The following ITGAV variants were observed in gnomAD, a reference collection of about 807,000 sequenced individuals.
The protein encoded by ITGAV is integrin subunit alpha V.
ITGAV carries 76 observed loss-of-function variants against 143.8 expected under a neutral mutation model. That is an observed-to-expected ratio of 0.53 (90% CI 0.44 to 0.64). The LOEUF is 0.64. Among genes scored for constraint, ITGAV ranks in the 30% least tolerant of loss-of-function variants. The pLI, the probability that ITGAV is intolerant of heterozygous loss-of-function variation, is 0.00. For synonymous variants in ITGAV, 453 were observed against 446.7 expected (o/e 1.01, Z -0.18); for missense variants, 1,193 against 1,274.7 (o/e 0.94, Z 0.98).
At chr2:186,651,539 G>T (rs1480113269) in intron 14 of ITGAV, among the ~76,000 whole-genome samples, 1 of 151,928 alleles carries the variant, frequency 6.6e-6, no homozygotes, top group Non-Finnish European at 1.5e-5. Flanking sequence ...TATTATGTAT[G>T]TATGTATGTA....
chr2:186,676,767 A>C (rs1315255730), intron 28 of ITGAV, 46 bp from the exon 29 acceptor site: 1 of 1,573,154 alleles, frequency 6.4e-7, no homozygotes, highest in African/African-American at 1.4e-5. Context: ...TTTGTTGATT[A>C]AGTCAATGGA....
intron 2 of ITGAV, among the ~76,000 whole-genome samples, chr2:186,606,647 C>T (rs1488544953): frequency 6.6e-6 from 1 of 152,116 alleles, no homozygotes; most frequent in East Asian, 1.9e-4. Flanking sequence ...AGTTTTTTCC[C>T]TGAAAAACTA....
At chr2:186,668,543 T>G in intron 24 of ITGAV, 1 of 438,690 alleles carries the variant, frequency 2.3e-6, no homozygotes, top group Non-Finnish European at 4.1e-6. Flanking sequence ...CCAACCTTGT[T>G]TATATTTTTA....
At chr2:186,668,986 AAG>A in intron 25 of ITGAV, 66 bp downstream of exon 25, 1 of 1,367,522 alleles carries the variant, frequency 7.3e-7, no homozygotes, top group African/African-American at 1.5e-5. Context: ...AAACCTGTAA[AAG>A]AAATTCATAA....
At chr2:186,610,351 T>C (rs1394194851) in intron 2 of ITGAV, among the ~76,000 whole-genome samples, 1 of 152,150 alleles carries the variant, frequency 6.6e-6, no homozygotes, top group Non-Finnish European at 1.5e-5. Context: ...GCAAAAGTTA[T>C]CTCCAAAATG....
At chr2:186,629,494 GC>G (rs1221819433) in intron 4 of ITGAV, among the ~76,000 whole-genome samples, 1 of 151,588 alleles carries the variant, frequency 6.6e-6, no homozygotes, top group Non-Finnish European at 1.5e-5. Context: ...GGAAACCCCT[GC>G]CCCACATTTT....
chr2:186,663,791 T>G lies in ITGAV; in HGVS notation c.1881T>G (p.Gly627=). 7 of 1,613,020 alleles carry G rather than the reference T, an allele frequency of 4.3e-6. No individual in the cohort carries two copies. Among genetic ancestry groups the G allele is most frequent in the Non-Finnish European group, 5.9e-6 (7 of 1,179,230 alleles). ...AGGCTCACATTCTACTTGACTGTGG[T>G]GAAGACAATGTCTGTAAACCCAAGC... The part of the protein sequence containing the change: ...SRQAHILLDC[G]EDNVCKPKLE... Residue 627 remains glycine (G), a synonymous_variant, in exon 19 of 30, where the codon GGT becomes GGG. Transcript: ENST00000261023.
In ITGAV at chr2:186,590,354, C is replaced by G. The variant is rs559772110; in HGVS notation, c.16C>G (p.Arg6Gly). 1.5e-5 allele frequency: 23 copies of G among 1,583,472 alleles called. No homozygotes were observed. In the African/African-American group the frequency reaches 2.8e-4, roughly 19 times the overall value. Residue 6 changes from arginine to glycine, a missense_variant, in exon 1 of 30, where the codon CGG becomes GGG. Transcript: ENST00000261023. MAFPP[R>G]RRLRLGPRGL... is the part of the protein sequence containing the mutation. ...CACTTCGGCGATGGCTTTTCCGCCG[C>G]GGCGACGGCTGCGCCTCGGTCCCCG...
intron 25 of ITGAV, among the ~76,000 whole-genome samples, chr2:186,669,257 C>T (rs1688996890): frequency 6.6e-6 from 1 of 152,118 alleles, no homozygotes; most frequent in Non-Finnish European, 1.5e-5. Flanking sequence ...AAAATTTCTA[C>T]CTTTGGGATA....
chr2:186,654,204 A>G (rs1458816729), intron 15 of ITGAV, among the ~76,000 whole-genome samples: 3 of 151,950 alleles, frequency 2.0e-5, no homozygotes, highest in South Asian at 2.1e-4. Flanking sequence ...GTGGTGGTGC[A>G]TGCCTGTAAT....
Position 186,675,617 on chromosome 2 carries a change from C to T in ITGAV, c.2720C>T (p.Ala907Val), listed in dbSNP as rs1413719882. The T allele has an allele frequency of 1.2e-6, 2 of 1,613,202 alleles. No individual in the cohort carries two copies. Among genetic ancestry groups the T allele is most frequent in the African/African-American group, 2.7e-5 (2 of 74,896 alleles). Residue 907 changes from alanine (A) to valine (V), a missense_variant, in exon 27 of 30, where the codon GCT becomes GTT. By Grantham distance (64) the Ala-to-Val change is moderately conservative (BLOSUM62 0). Coordinates refer to ENST00000261023, the MANE Select transcript of ITGAV (RefSeq NM_002210.5). ...GDIHTLGCGV[A>V]QCLKIVCQVG... ...TTGTTTTGGCAGGGTTGTGGAGTTGCTCAGTGCTTGAAGATTGTCTGCCAA... is the reference window on the plus strand; with the variant it reads ...TTGTTTTGGCAGGGTTGTGGAGTTGTTCAGTGCTTGAAGATTGTCTGCCAA...
chr2:186,676,952 G>T lies in ITGAV; in HGVS notation c.3051+17G>T, dbSNP rs993884795. 4 of 1,609,508 alleles carry T rather than the reference G, an allele frequency of 2.5e-6. No individual in the cohort carries two copies. The highest frequency in any genetic ancestry group is 3.4e-6 in the Non-Finnish European group (4 of 1,177,942). The stretch of plus-strand genomic sequence containing the variant: ...ATGTACAGGGTAAGTAACGGACTTA[G>T]AAAGAAGGAGAGAGGGAAAGCAGAA... On this transcript the variant is annotated intron_variant, in intron 29 of 29. Transcript: ENST00000261023.
chr2:186,629,700 G>A (rs7596996), intron 4 of ITGAV, among the ~76,000 whole-genome samples: 110,679 of 151,904 alleles, frequency 0.73, 40,348 homozygotes, highest in East Asian at 0.85. Context: ...GTTTGTCCTT[G>A]TGACTGAAAA....
intron 5 of ITGAV, among the ~76,000 whole-genome samples, chr2:186,631,979 T>G (rs1687824734): frequency 6.6e-6 from 1 of 152,158 alleles, no homozygotes; most frequent in South Asian, 2.1e-4. Context: ...TTGAGCCATG[T>G]TCATGCCACT....
At chr2:186,608,350 G>C (rs922168114) in intron 2 of ITGAV, among the ~76,000 whole-genome samples, 1 of 152,138 alleles carries the variant, frequency 6.6e-6, no homozygotes, top group Admixed American at 6.5e-5. Context: ...ATTCTAGGCT[G>C]GTTGCTGCAT....
chr2:186,596,746 C>T (rs1186898855), intron 1 of ITGAV, among the ~76,000 whole-genome samples: 1 of 152,100 alleles, frequency 6.6e-6, no homozygotes, highest in African/African-American at 2.4e-5. Flanking sequence ...TCTTTTATCA[C>T]CTTGTACCCA....
intron 15 of ITGAV, among the ~76,000 whole-genome samples, chr2:186,653,411 T>C (rs1559060992): frequency 6.6e-6 from 1 of 152,138 alleles, no homozygotes; most frequent in Non-Finnish European, 1.5e-5. Context: ...TGTTCCTTAC[T>C]TACACAGACG....
rs56316527 is a variant in ITGAV, at chr2:186,675,668, G to A, written c.2771G>A (p.Ser924Asn). 1.2e-3 allele frequency: 2,011 copies of A among 1,614,064 alleles called. 4 individuals carry two copies. The highest frequency in any genetic ancestry group is 1.3e-3 in the Non-Finnish European group (1,478 of 1,179,942). Residue 924 changes from serine (S) to asparagine (N), a missense_variant, in exon 27 of 30, where the codon AGT becomes AAT. Ser to Asn is a conservative substitution (Grantham distance 46). Coordinates refer to ENST00000261023, the MANE Select transcript of ITGAV (RefSeq NM_002210.5). ...CQVGRLDRGK[S>N]AILYVKSLLW... ...GTTGGGAGATTAGACAGAGGAAAGA[G>A]TGCAATCTTGTACGTAAAGTCATTA...
intron 3 of ITGAV, among the ~76,000 whole-genome samples, chr2:186,623,814 C>G (rs1038925652): frequency 5.3e-5 from 8 of 152,210 alleles, no homozygotes; most frequent in Middle Eastern, 3.4e-3. Flanking sequence ...AAATATATCT[C>G]AACATTTATC....
Sources: allele counts gnomAD v4.1 joint callset (sites outside exome capture counted in the v4.1 genomes callset), GRCh38; gene constraint gnomAD v4.1.1; transcripts MANE v1.5; gene names NCBI Gene and HGNC (gene_info 2026-07-23, HGNC 2026-07-21).